The following MACROD2 variants were observed in gnomAD, a reference collection of about 807,000 sequenced individuals.
MACROD2 encodes the protein mono-ADP ribosylhydrolase 2.
A neutral mutation model predicts 70.4 loss-of-function variants in MACROD2; 36 were observed. That is an observed-to-expected ratio of 0.51 (90% CI 0.39 to 0.68). MACROD2 has a LOEUF of 0.68. Among genes scored for constraint, MACROD2 ranks in the 30% least tolerant of loss-of-function variants. The probability of loss-of-function intolerance (pLI) is 0.00; values close to 1 mark genes in which losing one functional copy is unlikely to be tolerated. For synonymous variants in MACROD2, 172 were observed against 178.8 expected (o/e 0.96, Z 0.30); for missense variants, 496 against 538.4 (o/e 0.92, Z 0.78).
intron 5 of MACROD2, among the ~76,000 whole-genome samples, chr20:14,783,147 A>C (rs923302364): frequency 1.3e-5 from 2 of 152,154 alleles, no homozygotes; most frequent in Admixed American, 6.5e-5. Flanking sequence ...AAAGTATATA[A>C]CAATTTGAGG....
intron 3 of MACROD2, among the ~76,000 whole-genome samples, chr20:14,246,428 A>G (rs929471922): frequency 6.6e-6 from 1 of 152,200 alleles, no homozygotes; most frequent in African/African-American, 2.4e-5. Context: ...TCCTCCCTCT[A>G]TTTAATAACG....
intron 8 of MACROD2, among the ~76,000 whole-genome samples, chr20:15,716,627 T>A (rs902868716): frequency 6.6e-6 from 1 of 152,210 alleles, no homozygotes; most frequent in East Asian, 1.9e-4. Context: ...CTTTTTTTGT[T>A]GAGTCACCTT....
chr20:14,797,577 C>T (rs892403922), intron 5 of MACROD2, among the ~76,000 whole-genome samples: 2 of 152,082 alleles, frequency 1.3e-5, no homozygotes, highest in African/African-American at 4.8e-5. Context: ...ATGCTTATTT[C>T]TACTTTTGAC....
chr20:15,329,884 A>G (rs1444101175), intron 6 of MACROD2, among the ~76,000 whole-genome samples: 1 of 152,074 alleles, frequency 6.6e-6, no homozygotes, highest in Non-Finnish European at 1.5e-5. Flanking sequence ...AACAGCAGAC[A>G]CAGAGGAGGG....
chr20:14,528,111 CTT>C (rs5840621), intron 4 of MACROD2, among the ~76,000 whole-genome samples: 43 of 141,610 alleles, frequency 3.0e-4, no homozygotes, highest in African/African-American at 7.7e-4. Flanking sequence ...ACTGTCTACA[CTT>C]TTTTTTTTTT....
At chr20:15,191,899 G>C (rs2076572833) in intron 5 of MACROD2, among the ~76,000 whole-genome samples, 1 of 141,190 alleles carries the variant, frequency 7.1e-6, no homozygotes, top group South Asian at 2.4e-4. Flanking sequence ...CAAAAATTTA[G>C]AAAACTACAC....
At chr20:15,209,457 T>G (rs1466663841) in intron 5 of MACROD2, among the ~76,000 whole-genome samples, 1 of 152,194 alleles carries the variant, frequency 6.6e-6, no homozygotes, top group Non-Finnish European at 1.5e-5. Flanking sequence ...TAGGAAAAGA[T>G]GAAAATAACC....
chr20:13,998,346 A>G (rs2052689604), intron 1 of MACROD2, among the ~76,000 whole-genome samples: 1 of 152,078 alleles, frequency 6.6e-6, no homozygotes, highest in Non-Finnish European at 1.5e-5. Flanking sequence ...TTTTGTTTTA[A>G]ATTGATCTCG....
At chr20:15,385,887 TA>T (rs2045706196) in intron 6 of MACROD2, among the ~76,000 whole-genome samples, 1 of 152,186 alleles carries the variant, frequency 6.6e-6, no homozygotes, top group Admixed American at 6.5e-5. Context: ...TTTCCTTAAT[TA>T]GGCATAAAAT....
chr20:14,801,980 T>A (rs1041077390), intron 5 of MACROD2, among the ~76,000 whole-genome samples: 1 of 152,088 alleles, frequency 6.6e-6, no homozygotes, highest in Non-Finnish European at 1.5e-5. Flanking sequence ...TATCAGTGAC[T>A]TTGAGGACTT....
chr20:15,288,947 C>A (rs1310666164), intron 6 of MACROD2, among the ~76,000 whole-genome samples: 2 of 151,818 alleles, frequency 1.3e-5, no homozygotes, highest in African/African-American at 4.8e-5. Context: ...TCTGGAGAAC[C>A]CTGATACAAA....
chr20:15,181,871 TGAA>T (rs1441592740), intron 5 of MACROD2, among the ~76,000 whole-genome samples: 4 of 152,210 alleles, frequency 2.6e-5, no homozygotes, highest in South Asian at 2.1e-4. Context: ...GTTATGCCTT[TGAA>T]GAAGATTATT....
At chr20:14,374,055 C>T (rs1006687026) in intron 3 of MACROD2, among the ~76,000 whole-genome samples, 20 of 152,080 alleles carry the variant, frequency 1.3e-4, no homozygotes, top group African/African-American at 4.3e-4. Context: ...TATTTACTTG[C>T]GATTGTGTAG....
chr20:14,033,085 CTTT>C (rs11480685), intron 2 of MACROD2, among the ~76,000 whole-genome samples: 5 of 132,628 alleles, frequency 3.8e-5, no homozygotes, highest in African/African-American at 5.4e-5. Flanking sequence ...CTTGGTTTTT[CTTT>C]TTTTTTTTTT....
At chr20:14,706,778 G>A (rs1375811828) in intron 5 of MACROD2, among the ~76,000 whole-genome samples, 1 of 152,094 alleles carries the variant, frequency 6.6e-6, no homozygotes, top group Non-Finnish European at 1.5e-5. Context: ...CTTGTTGGCA[G>A]AAAGCAAGCA....
chr20:15,579,973 C>T (rs199843265), intron 8 of MACROD2, among the ~76,000 whole-genome samples: 8 of 152,208 alleles, frequency 5.3e-5, no homozygotes, highest in East Asian at 1.9e-4. Flanking sequence ...GCATCACTTC[C>T]GGAATGCAAG....
At chr20:13,998,910 G>A (rs1389591906) in intron 1 of MACROD2, among the ~76,000 whole-genome samples, 6 of 149,142 alleles carry the variant, frequency 4.0e-5, no homozygotes, top group East Asian at 3.9e-4. Flanking sequence ...AGCTAAGATC[G>A]CGCCACTGCA....
At chr20:14,403,439 A>G (rs953904407) in intron 3 of MACROD2, among the ~76,000 whole-genome samples, 4 of 152,186 alleles carry the variant, frequency 2.6e-5, no homozygotes, top group Non-Finnish European at 5.9e-5. Context: ...TTTTTTTTAA[A>G]AAGCCCAAAG....
At chr20:14,451,327 T>C (rs1454142335) in intron 3 of MACROD2, among the ~76,000 whole-genome samples, 1 of 152,082 alleles carries the variant, frequency 6.6e-6, no homozygotes, top group East Asian at 1.9e-4. Context: ...CACATGCCTG[T>C]AATCCCAGCT....
Sources: gnomAD v4.1 joint callset for allele counts (sites outside exome capture counted in the v4.1 genomes callset) on GRCh38, gnomAD v4.1.1 for gene constraint, MANE v1.5 for transcripts, NCBI Gene and HGNC (gene_info 2026-07-23, HGNC 2026-07-21) for gene names.